The following CILK1 variants were observed in gnomAD, a reference collection of about 807,000 sequenced individuals.
The protein encoded by CILK1 is ciliogenesis associated kinase 1.
A neutral mutation model predicts 79.2 loss-of-function variants in CILK1; 47 were observed. That is an observed-to-expected ratio of 0.59 (90% CI 0.47 to 0.76). The LOEUF is 0.76. Ranked by LOEUF, CILK1 falls within the 30% of genes least tolerant of loss-of-function variation. The pLI, the probability that CILK1 is intolerant of heterozygous loss-of-function variation, is 0.00. For synonymous variants in CILK1, 266 were observed against 275.9 expected (o/e 0.96, Z 0.36); for missense variants, 660 against 769.5 (o/e 0.86, Z 1.68).
chr6:53,048,891 G>A (rs1252386612), intron 1 of CILK1, among the ~76,000 whole-genome samples: 1 of 152,176 alleles, frequency 6.6e-6, no homozygotes, highest in African/African-American at 2.4e-5. Context: ...AGAATGAAAG[G>A]GAAGTGAGCT....
chr6:53,021,389 T>C (rs2127423442), intron 5 of CILK1, among the ~76,000 whole-genome samples: 1 of 152,298 alleles, frequency 6.6e-6, no homozygotes, highest in East Asian at 1.9e-4. Flanking sequence ...TCTCACTGCC[T>C]ATGCCTGCAT....
At chr6:53,041,817 G>A (rs1415488285) in intron 1 of CILK1, among the ~76,000 whole-genome samples, 1 of 152,106 alleles carries the variant, frequency 6.6e-6, no homozygotes, top group East Asian at 1.9e-4. Context: ...CCTGTCTAGG[G>A]TTGGTTCCCA....
Position 53,005,181 on chromosome 6 carries a change from C to T in CILK1, c.1867G>A (p.Asp623Asn). 1 of 1,614,230 alleles carries T rather than the reference C, an allele frequency of 6.2e-7. No individual in the cohort carries two copies. Among genetic ancestry groups the T allele is most frequent in the Non-Finnish European group, 8.5e-7 (1 of 1,180,048 alleles). Residue 623 changes from aspartate (D) to asparagine (N), a missense_variant, in exon 14 of 14, where the codon GAC (aspartate) becomes AAC (asparagine). Transcript: ENST00000676107. ...CGAGATGCGTACTTGGAAGCCCAGT[C>T]TGTCCGGCCATGCACTGGCTGGGCG... ...PAAQPVHGRTDWASKYASRR is the reference protein window; with the variant it reads ...PAAQPVHGRTNWASKYASRR
At chr6:53,038,116 C>T in intron 2 of CILK1, 123 bp from the exon 3 acceptor site, 1 of 714,068 alleles carries the variant, frequency 1.4e-6, no homozygotes, top group Admixed American at 2.1e-5. Context: ...TAAATTTCTA[C>T]CCAGTATTAT....
rs1231450284 is a variant in CILK1 at position 53,004,362 on chromosome 6, T to A, written c.*787A>T. ...TTGAAGCAGAAATCTCTTTTATTGG[T>A]ACACATACAACTTGATTTCAAAAAT... On this transcript the variant is annotated 3_prime_UTR_variant, in exon 14 of 14. Coordinates refer to ENST00000676107, the MANE Select transcript of CILK1 (RefSeq NM_014920.5). 1 of 152,216 alleles carries A rather than the reference T, an allele frequency of 6.6e-6. No homozygotes were observed. The highest frequency in any genetic ancestry group is 6.5e-5 in the Admixed American group (1 of 15,282). 9.4% of individuals were successfully genotyped at this position (152,216 alleles called of 1,614,324 possible). A position where few individuals can be genotyped will look rare whatever the true frequency, so the allele number is the denominator to read the frequency against.
chr6:53,044,023 G>C (rs992401941), intron 1 of CILK1, among the ~76,000 whole-genome samples: 3 of 152,124 alleles, frequency 2.0e-5, no homozygotes, highest in African/African-American at 7.2e-5. Context: ...GGGAAAGGGG[G>C]AACTTGTGGA....
chr6:53,040,250 A>G (rs1405341957), intron 2 of CILK1, among the ~76,000 whole-genome samples: 1 of 152,218 alleles, frequency 6.6e-6, no homozygotes, highest in East Asian at 1.9e-4. Context: ...CTTCTAACCA[A>G]CAGAATATAG....
chr6:53,012,327 C>T (rs1764622475), intron 9 of CILK1, 100 bp from the exon 10 acceptor site: 3 of 1,069,650 alleles, frequency 2.8e-6, no homozygotes, highest in Non-Finnish European at 4.2e-6. Context: ...GCAAAGGAGG[C>T]TCCTGGGGCA....
intron 1 of CILK1, among the ~76,000 whole-genome samples, chr6:53,058,686 A>C (rs554316430): frequency 2.7e-4 from 41 of 152,308 alleles, no homozygotes; most frequent in African/African-American, 9.6e-4. Context: ...CACAGGTGAA[A>C]GACAACAGTT....
At chr6:53,037,793 T>G (rs1766456787) in intron 3 of CILK1, 146 bp downstream of exon 3, 1 of 621,114 alleles carries the variant, frequency 1.6e-6, no homozygotes, top group East Asian at 2.8e-5. Flanking sequence ...CATAATCTTC[T>G]GCTTCAGCTG....
At chr6:53,013,563 TG>T in intron 9 of CILK1, 98 bp downstream of exon 9, 1 of 1,126,608 alleles carries the variant, frequency 8.9e-7, no homozygotes, top group Non-Finnish European at 1.3e-6. Context: ...CTACCATAAC[TG>T]GACCCTGTAT....
chr6:53,057,769 TC>T (rs1176669040), intron 1 of CILK1: 1 of 152,084 alleles, frequency 6.6e-6, no homozygotes, highest in African/African-American at 2.4e-5. Context: ...ACAGATGAGA[TC>T]CAACTAAGAA....
Position 53,012,047 on chromosome 6 carries a change from T to A in CILK1, c.1333A>T (p.Thr445Ser). 1 of 1,614,048 alleles carries A rather than the reference T, an allele frequency of 6.2e-7. No homozygotes were observed. The highest frequency in any genetic ancestry group is 8.5e-7 in the Non-Finnish European group (1 of 1,179,980). The change falls in exon 10 of 14, where the codon ACT (threonine) becomes TCT (serine). Residue 445 changes from threonine (T) to serine (S), a missense_variant. Physicochemically the swap from Thr to Ser is moderately conservative, Grantham distance 58. Coordinates refer to ENST00000676107, the MANE Select transcript of CILK1 (RefSeq NM_014920.5). ...LKNKKRQSDD[T>S]LCRFESVLDL... is the part of the protein sequence containing the mutation. ...GAGCAGCACACTTGCCTGCAGAGAG[T>A]GTCATCACTCTGTCTTTTCTTGTTT... is the stretch of plus-strand genomic sequence containing the variant.
At position 53,032,593 on chromosome 6, in the gene CILK1, T is replaced by C; in HGVS notation, c.218A>G (p.Asp73Gly). The C allele has an allele frequency of 6.2e-7, 1 of 1,606,702 alleles. No individual in the cohort carries two copies. Among genetic ancestry groups the C allele is most frequent in the Non-Finnish European group, 8.5e-7 (1 of 1,174,380 alleles). The change falls in exon 4 of 14, where the codon GAT becomes GGT. Residue 73 changes from aspartate to glycine, a missense_variant. Coordinates refer to ENST00000676107, the MANE Select transcript of CILK1 (RefSeq NM_014920.5). ...VKLKEVIRENDHLYFIFEYMK... is the reference protein window; with the variant it reads ...VKLKEVIRENGHLYFIFEYMK... ...GTACTCGAAGATAAAATAAAGATGA[T>C]CATTTTCCCTGATAACTTCTTTTAA...
Position 53,033,895 on chromosome 6 carries a change from AG to A in CILK1, c.157-1242del, listed in dbSNP as rs552064905. ...GACTCTCTGGAGCTTCCTCCCCAGA[AG>A]AATAGTTCCTGCCAACATACTTCTC... is the stretch of plus-strand genomic sequence containing the variant. On this transcript the variant is annotated intron_variant, in intron 3 of 13. Coordinates refer to ENST00000676107, the MANE Select transcript of CILK1 (RefSeq NM_014920.5). 4.7e-4 allele frequency among the ~76,000 whole-genome samples: 72 copies of A among 152,336 alleles called. No homozygotes were observed. The South Asian group carries it at 0.015, about 31-fold the overall frequency.
intron 3 of CILK1, among the ~76,000 whole-genome samples, chr6:53,036,167 T>C (rs1766317404): frequency 6.6e-6 from 1 of 152,220 alleles, no homozygotes; most frequent in South Asian, 2.1e-4. Flanking sequence ...TTAGAACTAA[T>C]ACACAATTAG....
At chr6:53,008,690 C>T (rs1764385011) in intron 12 of CILK1, among the ~76,000 whole-genome samples, 1 of 152,192 alleles carries the variant, frequency 6.6e-6, no homozygotes, top group Admixed American at 6.5e-5. Flanking sequence ...CCTCAGCCTC[C>T]CAAAGTGCTG....
chr6:53,058,372 T>G (rs1293385015), intron 1 of CILK1, among the ~76,000 whole-genome samples: 1 of 152,198 alleles, frequency 6.6e-6, no homozygotes, highest in African/African-American at 2.4e-5. Flanking sequence ...CCTTAGCATT[T>G]TAATGCAATT....
At chr6:53,020,191 T>C (rs540808159) in intron 5 of CILK1, among the ~76,000 whole-genome samples, 8 of 152,338 alleles carry the variant, frequency 5.3e-5, no homozygotes, top group African/African-American at 1.9e-4. Context: ...ACTCATTACG[T>C]AGGAAGCCTG....
Sources: allele counts gnomAD v4.1 joint callset (sites outside exome capture counted in the v4.1 genomes callset), GRCh38; gene constraint gnomAD v4.1.1; transcripts MANE v1.5; gene names NCBI Gene and HGNC (gene_info 2026-07-23, HGNC 2026-07-21).